XAGE5: variants seen among roughly 807,000 people sequenced by gnomAD.
XAGE5 encodes the protein X antigen family member 5.
In XAGE5, 13 loss-of-function variants were observed where a neutral mutation model predicts 13.1. The observed-to-expected ratio is 0.99, with a 90% CI of 0.64 to 1.57. The LOEUF (loss-of-function observed/expected upper bound fraction) is 1.57. Ranked by LOEUF, XAGE5 falls within the 40% of genes most tolerant of loss-of-function variation. XAGE5 has a pLI of 0.00. For missense variants in XAGE5, 86 were observed against 77.6 expected (o/e 1.11, Z -0.41); for synonymous variants, 17 against 25.0 (o/e 0.68, Z 0.96).
chrX:52,811,837 C>T lies in XAGE5; in HGVS notation c.-9+118C>T, dbSNP rs1926802992. Reference sequence around the variant, plus strand: ...AGGACTGCCCAGTGCTATGTGGCAACTTCTCAACCCCATCTTGGAAGTTCG... The same window carrying T: ...AGGACTGCCCAGTGCTATGTGGCAATTTCTCAACCCCATCTTGGAAGTTCG... On this transcript the variant is annotated intron_variant, in intron 2 of 5. Transcript: ENST00000375501. Among the ~76,000 whole-genome samples the T allele has an allele frequency of 2.7e-5, 3 of 111,026 alleles. No individual in the cohort carries two copies. In the South Asian group the frequency reaches 1.2e-3, roughly 43 times the overall value.
Position 52,818,157 on chromosome X carries a change from A to G in XAGE5, c.305-34A>G, listed in dbSNP as rs782254637. 1.9e-5 allele frequency: 23 copies of G among 1,207,191 alleles called. No homozygotes were observed. The African/African-American group carries it at 2.8e-4, about 15-fold the overall frequency. ...AATTTCATCTGAATACAGTTCTGCT[A>G]GTAATGTTCCCTCCTGTTATGTTTC... is the stretch of plus-strand genomic sequence containing the variant. On this transcript the variant is annotated intron_variant, in intron 5 of 5. Transcript: ENST00000375501.
At chrX:52,817,848 CGTT>C (rs1206542961) in intron 5 of XAGE5, among the ~76,000 whole-genome samples, 4 of 110,878 alleles carry the variant, frequency 3.6e-5, no homozygotes, top group Non-Finnish European at 7.6e-5. Flanking sequence ...TTTGTGTTCT[CGTT>C]GTATTTTGAG....
intron 4 of XAGE5, chrX:52,814,197 A>G (rs1177893833): frequency 1.3e-4 from 43 of 328,110 alleles, no homozygotes; most frequent in South Asian, 3.7e-4. Flanking sequence ...AGGTACTTCG[A>G]TATTGGCTCA....
chrX:52,812,334 TGCAATCTCG>T (rs1339366070), intron 2 of XAGE5: 1 of 357,833 alleles, frequency 2.8e-6, no homozygotes, highest in Non-Finnish European at 4.9e-6. Context: ...AGTGCAATGG[TGCAATCTCG>T]GCTGGCTGCA....
At chrX:52,813,305 C>T (rs1556777634) in intron 4 of XAGE5, 60 bp downstream of exon 4, 12 of 1,030,554 alleles carry the variant, frequency 1.2e-5, no homozygotes, top group Non-Finnish European at 1.6e-5. Context: ...GTGCATCACG[C>T]CTTATGCCAT....
At position 52,811,606 on chromosome X, in the gene XAGE5, G is replaced by A. The variant is rs1926797740; in HGVS notation, c.-122G>A. Among the ~76,000 whole-genome samples the A allele has an allele frequency of 9.0e-6, 1 of 110,766 alleles. No homozygotes were observed. Among genetic ancestry groups the A allele is most frequent in the Non-Finnish European group, 1.9e-5 (1 of 52,892 alleles). On this transcript the variant is annotated 5_prime_UTR_variant, in exon 2 of 6. Transcript: ENST00000375501. ...GTGCGACGGGGGTTAGGTGAAGCTG[G>A]GGCAATGCTGGGGTGCTGTTGGTGG...
chrX:52,812,622 T>C lies in XAGE5; in HGVS notation c.56T>C (p.Leu19Pro). The C allele has an allele frequency of 8.3e-7, 1 of 1,211,777 alleles. No homozygotes were observed. The highest frequency in any genetic ancestry group is 1.1e-6 in the Non-Finnish European group (1 of 895,410). The change falls in exon 3 of 6, where the codon CTG (leucine) becomes CCG (proline). Residue 19 changes from leucine (L) to proline (P), a missense_variant. Physicochemically the swap from Leu to Pro is moderately conservative, Grantham distance 98. Transcript: ENST00000375501. ...AGACGATGTTTACGACTTGCTCAGC[T>C]GGTTGGGCCTATGCTTGTGAGTGAC... is the stretch of plus-strand genomic sequence containing the variant. ...RPRRCLRLAQ[L>P]VGPMLEPSVP...
intron 4 of XAGE5, 34 bp downstream of exon 4, chrX:52,813,279 G>A: frequency 8.6e-7 from 1 of 1,158,945 alleles, no homozygotes; most frequent in Non-Finnish European, 1.2e-6. Flanking sequence ...TGTCTATGGG[G>A]GGAGGAGGCC....
intron 5 of XAGE5, among the ~76,000 whole-genome samples, chrX:52,815,554 T>C (rs1480466853): frequency 1.8e-5 from 2 of 112,953 alleles, no homozygotes; most frequent in African/African-American, 3.2e-5. Context: ...GTGTGAAATA[T>C]GCTGATCCCT....
chrX:52,814,485 ACAG>A (rs1926865719), intron 4 of XAGE5: 1 of 194,976 alleles, frequency 5.1e-6, no homozygotes, highest in Admixed American at 6.2e-5. Context: ...CTAATCAGAG[ACAG>A]AATTTGGGCC....
At chrX:52,815,032 C>T in intron 4 of XAGE5, 60 bp from the exon 5 acceptor site, 1 of 1,183,535 alleles carries the variant, frequency 8.4e-7, no homozygotes, top group Non-Finnish European at 1.1e-6. Flanking sequence ...AGAATAGGAT[C>T]ATCTCCTTAT....
At chrX:52,814,947 G>A (rs1343090854) in intron 4 of XAGE5, 145 bp from the exon 5 acceptor site, 1 of 622,069 alleles carries the variant, frequency 1.6e-6, no homozygotes, top group Admixed American at 3.7e-5. Flanking sequence ...TTTAAGATAA[G>A]ATATCATAAT....
At chrX:52,817,066 A>G (rs1177910967) in intron 5 of XAGE5, among the ~76,000 whole-genome samples, 4 of 112,082 alleles carry the variant, frequency 3.6e-5, no homozygotes, top group Non-Finnish European at 3.8e-5. Context: ...CAATCTTGAA[A>G]AAAATGGAAA....
intron 5 of XAGE5, 68 bp from the exon 6 acceptor site, chrX:52,818,123 C>A: frequency 1.7e-6 from 2 of 1,179,482 alleles, no homozygotes. Flanking sequence ...GTGTCCTTTG[C>A]ATACCTTTAA....
chrX:52,814,558 T>C (rs1381758077), intron 4 of XAGE5, among the ~76,000 whole-genome samples: 1 of 112,109 alleles, frequency 8.9e-6, no homozygotes, highest in African/African-American at 3.2e-5. Flanking sequence ...TCAACAATGC[T>C]CATTAATTTC....
intron 5 of XAGE5, among the ~76,000 whole-genome samples, chrX:52,817,800 A>C (rs1602002526): frequency 9.0e-6 from 1 of 111,562 alleles, no homozygotes; most frequent in East Asian, 2.8e-4. Flanking sequence ...TTTCTGGAGG[A>C]ATTTTTTTTT....
chrX:52,813,437 G>A (rs1221901481), intron 4 of XAGE5, among the ~76,000 whole-genome samples, 192 bp downstream of exon 4: 1 of 112,362 alleles, frequency 8.9e-6, no homozygotes, highest in Non-Finnish European at 1.9e-5. Context: ...TGGATATGAT[G>A]AATCTTCTCT....
At chrX:52,816,661 C>T in intron 5 of XAGE5, among the ~76,000 whole-genome samples, 1 of 111,938 alleles carries the variant, frequency 8.9e-6, no homozygotes, top group African/African-American at 3.2e-5. Context: ...ATTAGAACTT[C>T]TGAATTTAAA....
At chrX:52,812,009 A>G (rs1022894706) in intron 2 of XAGE5, among the ~76,000 whole-genome samples, 2 of 111,366 alleles carry the variant, frequency 1.8e-5, no homozygotes, top group Non-Finnish European at 3.8e-5. Flanking sequence ...TGGAGAGTCC[A>G]ATTGCGAAAC....
Sources: allele counts gnomAD v4.1 joint callset (sites outside exome capture counted in the v4.1 genomes callset), GRCh38; gene constraint gnomAD v4.1.1; transcripts MANE v1.5; gene names NCBI Gene and HGNC (gene_info 2026-07-23, HGNC 2026-07-21).